The following ADAM23 variants were observed in gnomAD, a reference collection of about 807,000 sequenced individuals.
The protein encoded by ADAM23 is disintegrin and metalloproteinase domain-containing protein 23.
Under a neutral mutation model 120.1 loss-of-function variants are expected in ADAM23, and 33 were observed. That is an observed-to-expected ratio of 0.27 (90% CI 0.21 to 0.37). The LOEUF is 0.37. Ranked by LOEUF, ADAM23 falls within the 10% of genes least tolerant of loss-of-function variation. The probability of loss-of-function intolerance (pLI) is 1.00; values close to 1 mark genes in which losing one functional copy is unlikely to be tolerated. For synonymous variants in ADAM23, 367 were observed against 375.2 expected, an observed-to-expected ratio of 0.98 and a Z score of 0.25; for missense variants, 862 against 1,058.2, an observed-to-expected ratio of 0.81 and a Z score of 2.57.
At chr2:206,545,875 A>G (rs544589742) in intron 6 of ADAM23, among the ~76,000 whole-genome samples, 1 of 152,338 alleles carries the variant, frequency 6.6e-6, no homozygotes, top group Admixed American at 6.5e-5. Context: ...AACAAAATCC[A>G]CAAAGAACAA....
chr2:206,515,282 G>A (rs966615024), intron 3 of ADAM23, among the ~76,000 whole-genome samples: 2 of 152,088 alleles, frequency 1.3e-5, no homozygotes, highest in South Asian at 2.1e-4. Context: ...TTCCAGCCAC[G>A]GCAGTTTTGG....
rs1337538298 is a variant in ADAM23, at chr2:206,443,689, G to A, written c.-178G>A. Reference sequence around the variant, plus strand: ...GAGTGGCTGCGAGGCTAGGCGAGCCGGGAAAGGGGGCGCCGCCCAGCCCCG... The same window carrying A: ...GAGTGGCTGCGAGGCTAGGCGAGCCAGGAAAGGGGGCGCCGCCCAGCCCCG... On this transcript the variant is annotated 5_prime_UTR_variant, in exon 1 of 26. Transcript: ENST00000264377. The A allele has an allele frequency of 5.9e-6, 1 of 170,372 alleles. No homozygotes were observed. Among genetic ancestry groups the A allele is most frequent in the Non-Finnish European group, 1.2e-5 (1 of 86,848 alleles). 10.6% of individuals were successfully genotyped at this position (170,372 alleles called of 1,614,324 possible).
chr2:206,512,351 C>G (rs191564492), intron 3 of ADAM23, among the ~76,000 whole-genome samples: 1 of 152,310 alleles, frequency 6.6e-6, no homozygotes, highest in East Asian at 1.9e-4. Context: ...GCTATTACTT[C>G]ACTCATCATT....
chr2:206,454,477 C>T (rs1695255304), intron 2 of ADAM23, among the ~76,000 whole-genome samples: 1 of 152,166 alleles, frequency 6.6e-6, no homozygotes, highest in South Asian at 2.1e-4. Context: ...TAACATTCCA[C>T]CCTAGCCCAT....
intron 18 of ADAM23, among the ~76,000 whole-genome samples, chr2:206,579,060 T>G (rs1320728457): frequency 1.3e-5 from 2 of 152,182 alleles, no homozygotes; most frequent in African/African-American, 2.4e-5. Context: ...TGTCTATCCT[T>G]AGCCCACTTT....
At chr2:206,479,228 G>A (rs954054129) in intron 2 of ADAM23, among the ~76,000 whole-genome samples, 5 of 152,082 alleles carry the variant, frequency 3.3e-5, no homozygotes, top group African/African-American at 1.2e-4. Context: ...GTAAAATGAA[G>A]GTACTACATT....
intron 3 of ADAM23, among the ~76,000 whole-genome samples, chr2:206,527,143 T>G (rs1696962140): frequency 6.6e-6 from 1 of 152,240 alleles, no homozygotes; most frequent in Non-Finnish European, 1.5e-5. Context: ...ATTTAGGATG[T>G]TCAGAGTTTG....
At chr2:206,607,191 G>A (rs1246078277) in intron 24 of ADAM23, 1 of 152,202 alleles carries the variant, frequency 6.6e-6, no homozygotes, top group African/African-American at 2.4e-5. Context: ...GGTTAGCACA[G>A]GGGAAGCTAG....
rs1199167461 is a variant in ADAM23, at chr2:206,477,893, A to ATATATAT, written c.433-3339_433-3338insTATATAT. 2.4e-3 allele frequency among the ~76,000 whole-genome samples: 240 copies of ATATATAT among 101,208 alleles called. 1 individual carries two copies. The highest frequency in any genetic ancestry group is 2.9e-3 in the Non-Finnish European group (153 of 52,244). The allele number at this position is 101,208 out of a possible 152,430, so 66.4% of individuals were successfully genotyped here. On this transcript the variant is annotated intron_variant, in intron 2 of 25. Transcript: ENST00000264377. ...CCAATATTCTGTTAAAAAAAAAAAA[A>ATATATAT]AAAAATATATATATATATATATATA...
chr2:206,589,390 T>C lies in ADAM23; in HGVS notation c.1853-19T>C, dbSNP rs566850203. 6.2e-7 allele frequency: 1 copy of C among 1,605,408 alleles called. No individual in the cohort carries two copies. Among genetic ancestry groups the C allele is most frequent in the African/African-American group, 1.3e-5 (1 of 74,796 alleles). ...AAGAAAATGAAAATTAATTTTCTTC[T>C]CTTGCCTATCTCCAAAAGAGGCTGC... is the stretch of plus-strand genomic sequence containing the variant. On this transcript the variant is annotated intron_variant, in intron 20 of 25. Coordinates refer to ENST00000264377, the MANE Select transcript of ADAM23 (RefSeq NM_003812.4).
At chr2:206,472,857 C>G (rs1695689164) in intron 2 of ADAM23, among the ~76,000 whole-genome samples, 5 of 152,084 alleles carry the variant, frequency 3.3e-5, no homozygotes. Context: ...TAGGTTGGCA[C>G]AGAGAACAAA....
chr2:206,590,130 C>T (rs1168674641), intron 21 of ADAM23, among the ~76,000 whole-genome samples: 1 of 151,914 alleles, frequency 6.6e-6, no homozygotes, highest in African/African-American at 2.4e-5. Flanking sequence ...CTGAGTCTCG[C>T]TTTATCACCC....
intron 17 of ADAM23, among the ~76,000 whole-genome samples, chr2:206,572,386 AT>A (rs764914947): frequency 2.0e-5 from 3 of 152,154 alleles, no homozygotes; most frequent in Non-Finnish European, 4.4e-5. Context: ...TTGAAAACTC[AT>A]TTTAATCTTC....
intron 4 of ADAM23, among the ~76,000 whole-genome samples, chr2:206,532,651 A>C (rs1697090039): frequency 6.6e-6 from 1 of 152,144 alleles, no homozygotes; most frequent in African/African-American, 2.4e-5. Flanking sequence ...GATATGGTGC[A>C]CACTATTTTA....
intron 2 of ADAM23, among the ~76,000 whole-genome samples, chr2:206,467,137 A>G (rs563831358): frequency 1.1e-4 from 17 of 152,266 alleles, no homozygotes; most frequent in African/African-American, 3.8e-4. Context: ...ACAGATCCAA[A>G]TCATAAAATT....
Position 206,444,010 on chromosome 2 carries a change from C to G in ADAM23, c.144C>G (p.Leu48=), listed in dbSNP as rs1305479240. 6.4e-6 allele frequency: 9 copies of G among 1,409,008 alleles called. No homozygotes were observed. Among genetic ancestry groups the G allele is most frequent in the Non-Finnish European group, 8.3e-6 (9 of 1,077,926 alleles). 87.3% of individuals were successfully genotyped at this position (1,409,008 alleles called of 1,614,324 possible). A position where few individuals can be genotyped will look rare whatever the true frequency, so the allele number is the denominator to read the frequency against. Residue 48 remains leucine (L), a synonymous_variant, in exon 1 of 26, where the codon CTC becomes CTG. Transcript: ENST00000264377. Reference sequence around the variant, plus strand: ...GCACGCCGCCCTGCCGCCTGCTTCTCGTCCTTCTCCTGCTGCCTCCGCTCG... The same window carrying G: ...GCACGCCGCCCTGCCGCCTGCTTCTGGTCCTTCTCCTGCTGCCTCCGCTCG... The part of the protein sequence containing the change: ...PARTPPCRLL[L]VLLLLPPLAA...
chr2:206,573,545 A>G (rs993815472), intron 18 of ADAM23, among the ~76,000 whole-genome samples: 2 of 152,150 alleles, frequency 1.3e-5, no homozygotes, highest in Admixed American at 1.3e-4. Context: ...TGGCATCACC[A>G]TCATTCCTGA....
intron 3 of ADAM23, among the ~76,000 whole-genome samples, chr2:206,503,598 T>G (rs1271522347): frequency 2.6e-5 from 4 of 152,056 alleles, no homozygotes; most frequent in Non-Finnish European, 4.4e-5. Flanking sequence ...AAAACTGAGA[T>G]TGATGGAAGG....
At chr2:206,506,319 A>G (rs548509626) in intron 3 of ADAM23, among the ~76,000 whole-genome samples, 2 of 152,352 alleles carry the variant, frequency 1.3e-5, no homozygotes, top group East Asian at 3.9e-4. Context: ...ATTCATTACC[A>G]CATGCTGACC....
Sources: allele counts gnomAD v4.1 joint callset (sites outside exome capture counted in the v4.1 genomes callset), GRCh38; gene constraint gnomAD v4.1.1; transcripts MANE v1.5; gene names NCBI Gene and HGNC (gene_info 2026-07-23, HGNC 2026-07-21).